Variants in NAV3 observed in about 807,000 individuals in gnomAD.
NAV3 encodes pore membrane and/or filament interacting like protein 1.
In NAV3, 87 loss-of-function variants were observed where a neutral mutation model predicts 244.7. The observed-to-expected ratio is 0.36, with a 90% confidence interval of 0.30 to 0.42. The LOEUF is 0.42. Among genes scored for constraint, NAV3 ranks in the 20% least tolerant of loss-of-function variants. NAV3 has a pLI of 1.00. For synonymous variants in NAV3, 1,126 were observed against 1,042.2 expected (o/e 1.08, Z -1.55); for missense variants, 2,663 against 2,893.3 (o/e 0.92, Z 1.83).
At chr12:77,795,139 A>T (rs773056273) in intron 2 of NAV3, among the ~76,000 whole-genome samples, 1 of 152,212 alleles carries the variant, frequency 6.6e-6, no homozygotes, top group Non-Finnish European at 1.5e-5. Flanking sequence ...AGCAAATGCA[A>T]AGGAAAATTA....
intron 22 of NAV3, among the ~76,000 whole-genome samples, chr12:78,153,961 C>G (rs1251293457): frequency 6.7e-6 from 1 of 150,078 alleles, no homozygotes; most frequent in Non-Finnish European, 1.5e-5. Context: ...CTTGGTTCAA[C>G]TAACTACTAA....
chr12:77,696,553 A>G (rs918407716), intron 2 of NAV3, among the ~76,000 whole-genome samples: 38 of 152,114 alleles, frequency 2.5e-4, no homozygotes, highest in African/African-American at 8.9e-4. Context: ...GCAGAGGATG[A>G]GGTTCATTTG....
At chr12:78,115,220 A>C (rs1305380717) in intron 12 of NAV3, among the ~76,000 whole-genome samples, 1 of 152,168 alleles carries the variant, frequency 6.6e-6, no homozygotes, top group Non-Finnish European at 1.5e-5. Context: ...CCATTTTATG[A>C]GACTTAGCTT....
chr12:77,909,500 C>A (rs1886359109), intron 1 of NAV3, among the ~76,000 whole-genome samples: 1 of 151,890 alleles, frequency 6.6e-6, no homozygotes, highest in African/African-American at 2.4e-5. Context: ...GCACTGCATG[C>A]TGGTACCACA....
At position 77,766,742 on chromosome 12, in the gene NAV3, T is replaced by G. The variant is rs1484568327; in HGVS notation, c.73-173577T>G. Among the ~76,000 whole-genome samples the G allele has an allele frequency of 4.5e-4, 11 of 24,234 alleles. No individual in the cohort carries two copies. The South Asian group carries it at 4.6e-3, about 10-fold the overall frequency. The allele number at this position is 24,234 out of a possible 152,430, so 15.9% of individuals were successfully genotyped here. ...TAAAAAACAGGCAATTAAGTTTTTT[T>G]TTTTTTTTTTTTTTTTTTTTTTTTT... On this transcript the variant is annotated intron_variant, in intron 2 of 8. Transcript: ENST00000550042.
intron 2 of NAV3, among the ~76,000 whole-genome samples, chr12:77,824,815 C>T (rs1592715152): frequency 6.6e-6 from 1 of 151,850 alleles, no homozygotes; most frequent in South Asian, 2.1e-4. Context: ...ATGGCTTGAA[C>T]CCAGGAGGCA....
intron 1 of NAV3, among the ~76,000 whole-genome samples, chr12:77,845,298 T>C (rs1333025754): frequency 6.6e-6 from 1 of 152,178 alleles, no homozygotes; most frequent in Non-Finnish European, 1.5e-5. Context: ...GTGCTTAGAT[T>C]GGGGCTCAGT....
intron 2 of NAV3, among the ~76,000 whole-genome samples, chr12:77,726,983 G>A (rs1217217781): frequency 6.6e-6 from 1 of 151,904 alleles, no homozygotes; most frequent in African/African-American, 2.4e-5. Flanking sequence ...TTTAATCGAA[G>A]GAGAAACACA....
intron 1 of NAV3, among the ~76,000 whole-genome samples, chr12:77,847,485 G>A (rs572670373): frequency 1.3e-5 from 2 of 152,238 alleles, no homozygotes; most frequent in South Asian, 4.1e-4. Context: ...AAAATGAAAA[G>A]GGTGGGAAGA....
At chr12:78,141,187 T>A (rs976971300) in intron 20 of NAV3, among the ~76,000 whole-genome samples, 1 of 152,196 alleles carries the variant, frequency 6.6e-6, no homozygotes. Context: ...CCAGCACACT[T>A]AGATAGAAAC....
At chr12:77,832,050 A>C (rs575988712) in intron 1 of NAV3, among the ~76,000 whole-genome samples, 1 of 152,214 alleles carries the variant, frequency 6.6e-6, no homozygotes, top group African/African-American at 2.4e-5. Context: ...TCCATACTGC[A>C]ATGTATGAAA....
intron 2 of NAV3, among the ~76,000 whole-genome samples, chr12:77,618,293 G>A (rs1031650162): frequency 1.3e-5 from 2 of 152,100 alleles, no homozygotes; most frequent in Non-Finnish European, 2.9e-5. Flanking sequence ...ACTACTTTAA[G>A]CCATTAAGTT....
chr12:77,914,721 A>C (rs1476642011), intron 1 of NAV3, among the ~76,000 whole-genome samples: 1 of 152,028 alleles, frequency 6.6e-6, no homozygotes, highest in Admixed American at 6.6e-5. Context: ...TTAATATTGA[A>C]TAGCTTGTAA....
At chr12:77,956,846 G>A (rs889553290) in intron 3 of NAV3, among the ~76,000 whole-genome samples, 4 of 152,042 alleles carry the variant, frequency 2.6e-5, no homozygotes, top group Admixed American at 6.5e-5. Flanking sequence ...GGTTCAAGCC[G>A]AATCTCCTGC....
intron 2 of NAV3, among the ~76,000 whole-genome samples, chr12:77,622,116 G>T (rs1185541707): frequency 6.6e-6 from 1 of 151,956 alleles, no homozygotes; most frequent in African/African-American, 2.4e-5. Flanking sequence ...AATAGAAAAG[G>T]CAGGAAACTC....
intron 3 of NAV3, among the ~76,000 whole-genome samples, chr12:77,960,393 C>A (rs1417363848): frequency 1.3e-5 from 2 of 149,074 alleles, no homozygotes; most frequent in Admixed American, 6.7e-5. Flanking sequence ...GAGCAGTAGC[C>A]AAAATTAAAA....
At chr12:77,741,868 C>A (rs1350057107) in intron 2 of NAV3, among the ~76,000 whole-genome samples, 1 of 151,966 alleles carries the variant, frequency 6.6e-6, no homozygotes, top group Non-Finnish European at 1.5e-5. Context: ...GATGCTTATA[C>A]AAAAGAAAAT....
At chr12:78,173,211 C>G (rs1249547289) in intron 24 of NAV3, among the ~76,000 whole-genome samples, 1 of 151,588 alleles carries the variant, frequency 6.6e-6, no homozygotes, top group African/African-American at 2.4e-5. Flanking sequence ...TGTTAGGGAA[C>G]AGTAAAATGC....
At chr12:78,099,821 C>T (rs1314614725) in intron 12 of NAV3, among the ~76,000 whole-genome samples, 5 of 151,888 alleles carry the variant, frequency 3.3e-5, no homozygotes, top group Non-Finnish European at 7.4e-5. Flanking sequence ...GATGTTTCTA[C>T]TCTCCTTCAG....
Sources: allele counts gnomAD v4.1 joint callset (sites outside exome capture counted in the v4.1 genomes callset), GRCh38; gene constraint gnomAD v4.1.1; transcripts MANE v1.5; gene names NCBI Gene and HGNC (gene_info 2026-07-23, HGNC 2026-07-21).